The following NTM variants were observed in gnomAD, a reference collection of about 807,000 sequenced individuals.
NTM encodes IgLON family member 2.
In NTM, 13 loss-of-function variants were observed where a neutral mutation model predicts 42.1. The ratio of observed to expected loss-of-function variants is 0.31; its 90% CI spans 0.20 to 0.49. The LOEUF is 0.49. Among genes scored for constraint, NTM ranks in the 20% least tolerant of loss-of-function variants. The pLI is 0.99. For synonymous variants in NTM, 187 were observed against 179.2 expected (o/e 1.04, Z -0.35); for missense variants, 373 against 452.8 (o/e 0.82, Z 1.60).
intron 2 of NTM, among the ~76,000 whole-genome samples, chr11:131,968,514 C>T (rs2063127093): frequency 6.6e-6 from 1 of 152,124 alleles, no homozygotes; most frequent in Non-Finnish European, 1.5e-5. Context: ...CTCAGGGGCT[C>T]ACATCTGGAG....
intron 1 of NTM, among the ~76,000 whole-genome samples, chr11:131,503,971 A>C (rs2047164901): frequency 6.6e-6 from 1 of 152,128 alleles, no homozygotes. Context: ...TTAGTGCTTT[A>C]AGGCCAGGCG....
chr11:132,047,715 C>A (rs1036488800), intron 2 of NTM, among the ~76,000 whole-genome samples: 3 of 152,330 alleles, frequency 2.0e-5, no homozygotes, highest in Admixed American at 6.5e-5. Context: ...CCTCCACAGG[C>A]CTCCTTCCTC....
intron 1 of NTM, among the ~76,000 whole-genome samples, chr11:131,783,292 C>A (rs1184385216): frequency 1.3e-5 from 2 of 152,006 alleles, no homozygotes; most frequent in Non-Finnish European, 2.9e-5. Context: ...TCACTTGAAA[C>A]TACAAAACAT....
intron 2 of NTM, among the ~76,000 whole-genome samples, chr11:131,960,512 A>G (rs2062039988): frequency 6.9e-6 from 1 of 145,940 alleles, no homozygotes; most frequent in Non-Finnish European, 1.5e-5. Flanking sequence ...TTTTGTGATG[A>G]TGTTCCAGGA....
chr11:131,948,111 C>G (rs1466693271), intron 2 of NTM, among the ~76,000 whole-genome samples: 1 of 152,042 alleles, frequency 6.6e-6, no homozygotes, highest in Non-Finnish European at 1.5e-5. Context: ...CCTGTAATCC[C>G]AGCACTTTGG....
intron 1 of NTM, among the ~76,000 whole-genome samples, chr11:131,739,112 C>T (rs930424898): frequency 1.3e-5 from 2 of 152,112 alleles, no homozygotes; most frequent in African/African-American, 4.8e-5. Flanking sequence ...ATTGAGATTC[C>T]ATGCCTCAGT....
At chr11:131,928,424 C>T (rs962072285) in intron 2 of NTM, among the ~76,000 whole-genome samples, 5 of 152,242 alleles carry the variant, frequency 3.3e-5, no homozygotes, top group Admixed American at 1.3e-4. Context: ...TGCTGGAAGA[C>T]GTTCTGGCTG....
At chr11:131,902,104 A>G (rs963143499) in intron 1 of NTM, among the ~76,000 whole-genome samples, 2 of 152,238 alleles carry the variant, frequency 1.3e-5, no homozygotes, top group Non-Finnish European at 2.9e-5. Flanking sequence ...AACAAGGTGA[A>G]AGTCACAGAG....
In NTM at chr11:131,593,821, G is replaced by T. The variant is rs373556184; in HGVS notation, c.82+222933G>T. On this transcript the variant is annotated intron_variant, in intron 1 of 8. Transcript: ENST00000683400. ...ACATATCAGTTTCTGCACTTGGCAG[G>T]TTGCTTTATGATTATCTGTTTGTCT... is the stretch of plus-strand genomic sequence containing the variant. 1.4e-4 allele frequency among the ~76,000 whole-genome samples: 22 copies of T among 152,302 alleles called. 2 individuals carry two copies. Among genetic ancestry groups the T allele is most frequent in the African/African-American group, 4.6e-4 (19 of 41,552 alleles).
chr11:131,626,007 C>T (rs552429501), intron 1 of NTM, among the ~76,000 whole-genome samples: 3 of 152,140 alleles, frequency 2.0e-5, no homozygotes, highest in African/African-American at 2.4e-5. Flanking sequence ...ATCTGTGGCA[C>T]GTGGCTACAG....
chr11:131,510,450 C>T (rs2048087404), intron 1 of NTM, among the ~76,000 whole-genome samples: 1 of 152,116 alleles, frequency 6.6e-6, no homozygotes, highest in Admixed American at 6.5e-5. Context: ...TTCATGTTTC[C>T]TAGCCATCCA....
At chr11:132,201,042 T>A (rs1487832571) in intron 3 of NTM, among the ~76,000 whole-genome samples, 1 of 152,162 alleles carries the variant, frequency 6.6e-6, no homozygotes, top group Non-Finnish European at 1.5e-5. Flanking sequence ...AGCAAGGGCA[T>A]CCAAGGGGCA....
chr11:132,177,308 ACT>A (rs1316206620), intron 3 of NTM, among the ~76,000 whole-genome samples: 1 of 152,076 alleles, frequency 6.6e-6, no homozygotes, highest in Non-Finnish European at 1.5e-5. Context: ...ACGGACAGAA[ACT>A]CTTTTTCATT....
intron 2 of NTM, among the ~76,000 whole-genome samples, chr11:132,114,888 A>T (rs1457195030): frequency 6.6e-6 from 1 of 152,164 alleles, no homozygotes; most frequent in Non-Finnish European, 1.5e-5. Flanking sequence ...AGCTATTGTG[A>T]CTAATGCTGC....
chr11:132,216,549 G>A (rs930015582), intron 4 of NTM, among the ~76,000 whole-genome samples: 2 of 152,156 alleles, frequency 1.3e-5, no homozygotes, highest in African/African-American at 2.4e-5. Flanking sequence ...TGAGATATTG[G>A]TAGGGATATT....
chr11:131,561,394 A>T (rs528633544), intron 1 of NTM, among the ~76,000 whole-genome samples: 42 of 152,324 alleles, frequency 2.8e-4, no homozygotes, highest in Non-Finnish European at 5.7e-4. Flanking sequence ...GGCAATTTCC[A>T]TTCAAAAATT....
chr11:131,996,745 GA>G (rs2068111180), intron 2 of NTM, among the ~76,000 whole-genome samples: 1 of 152,132 alleles, frequency 6.6e-6, no homozygotes, highest in African/African-American at 2.4e-5. Flanking sequence ...GATTAAGGAG[GA>G]ATCATTGCCA....
At chr11:131,395,751 A>G (rs1944482755) in intron 1 of NTM, among the ~76,000 whole-genome samples, 1 of 152,182 alleles carries the variant, frequency 6.6e-6, no homozygotes, top group Non-Finnish European at 1.5e-5. Context: ...CTGCCTGGGA[A>G]TGGCGTGGTG....
chr11:132,009,995 G>T (rs1279373010), intron 2 of NTM, among the ~76,000 whole-genome samples: 1 of 152,130 alleles, frequency 6.6e-6, no homozygotes. Flanking sequence ...CCGAATACAC[G>T]TTATATCAAT....
Sources: allele counts gnomAD v4.1 joint callset (sites outside exome capture counted in the v4.1 genomes callset), GRCh38; gene constraint gnomAD v4.1.1; transcripts MANE v1.5; gene names NCBI Gene and HGNC (gene_info 2026-07-23, HGNC 2026-07-21).